Variants in ZNF280C observed in about 807,000 individuals in gnomAD.
ZNF280C encodes the protein suppressor of hairy wing homolog 3.
In ZNF280C, 14 loss-of-function variants were observed where a neutral mutation model predicts 53.6. The observed-to-expected ratio is 0.26, with a 90% CI of 0.17 to 0.41. The LOEUF (loss-of-function observed/expected upper bound fraction) is 0.41, where lower values mean the gene tolerates loss of function less well. Ranked by LOEUF, ZNF280C falls within the 10% of genes least tolerant of loss-of-function variation. The pLI is 1.00. For synonymous variants in ZNF280C, 203 were observed against 181.1 expected, an observed-to-expected ratio of 1.12 and a Z score of -0.97; for missense variants, 416 against 547.1, an observed-to-expected ratio of 0.76 and a Z score of 2.39.
intron 1 of ZNF280C, among the ~76,000 whole-genome samples, chrX:130,266,817 G>T (rs1017859239): frequency 3.6e-5 from 4 of 111,789 alleles, no homozygotes; most frequent in Non-Finnish European, 7.5e-5. Flanking sequence ...AAATTACTGA[G>T]GAAGGCTGGG....
chrX:130,221,686 T>TA (rs759802322), intron 12 of ZNF280C, among the ~76,000 whole-genome samples: 4 of 110,634 alleles, frequency 3.6e-5, no homozygotes, highest in African/African-American at 6.6e-5. Flanking sequence ...AGTGATACCT[T>TA]AAAAAAAAAT....
chrX:130,253,015 C>T (rs932684732), intron 2 of ZNF280C, among the ~76,000 whole-genome samples: 1 of 111,686 alleles, frequency 9.0e-6, no homozygotes, highest in African/African-American at 3.3e-5. Flanking sequence ...ATCTAGAAAA[C>T]CCCATAGTCT....
chrX:130,226,950 T>C (rs1383540408), intron 11 of ZNF280C, 45 bp from the exon 12 acceptor site: 1 of 1,119,972 alleles, frequency 8.9e-7, no homozygotes. Flanking sequence ...ATTTTATAAC[T>C]TCTTGCAATT....
At chrX:130,248,616 T>C (rs192537142) in intron 2 of ZNF280C, among the ~76,000 whole-genome samples, 1 of 111,678 alleles carries the variant, frequency 9.0e-6, no homozygotes, top group Admixed American at 9.4e-5. Context: ...CTTGCCCATC[T>C]GACCTGAGCA....
At chrX:130,232,587 G>A (rs1473204237) in intron 8 of ZNF280C, among the ~76,000 whole-genome samples, 1 of 111,334 alleles carries the variant, frequency 9.0e-6, no homozygotes, top group Non-Finnish European at 1.9e-5. Context: ...ATGTGCAAAG[G>A]TGCTCAACAT....
In ZNF280C at chrX:130,230,533, C is replaced by A. The variant is rs368480585; in HGVS notation, c.966G>T (p.Ser322=). 1.5e-5 allele frequency: 18 copies of A among 1,198,241 alleles called. No individual in the cohort carries two copies. Among genetic ancestry groups the A allele is most frequent in the Non-Finnish European group, 1.9e-5 (17 of 888,762 alleles). ...ACCTAATATTATTTTTAAGAACTTTCGAGCAACTGAAGCATTTAAAGGTTG... is the reference window on the plus strand; with the variant it reads ...ACCTAATATTATTTTTAAGAACTTTAGAGCAACTGAAGCATTTAAAGGTTG... The part of the protein sequence containing the change: ...TYTTFKCFSC[S]KVLKNNIRFM... Residue 322 remains serine (S), a synonymous_variant, in exon 9 of 19, where the codon TCG becomes TCT. Transcript: ENST00000370978.
At chrX:130,218,216 A>G (rs2032125282) in intron 13 of ZNF280C, among the ~76,000 whole-genome samples, 1 of 111,699 alleles carries the variant, frequency 9.0e-6, no homozygotes, top group Admixed American at 9.5e-5. Flanking sequence ...ACAAATAGAG[A>G]GGTCAAAATG....
chrX:130,220,113 C>A (rs2032147744), intron 13 of ZNF280C, among the ~76,000 whole-genome samples: 1 of 110,547 alleles, frequency 9.0e-6, no homozygotes, highest in African/African-American at 3.3e-5. Flanking sequence ...ACATAATGAT[C>A]AAATCAGGGT....
Position 130,203,365 on chromosome X carries a change from T to C in ZNF280C, c.*1612A>G. 9.0e-6 allele frequency: 1 copy of C among 111,067 alleles called. No individual in the cohort carries two copies. Among genetic ancestry groups the C allele is most frequent in the South Asian group, 3.8e-4 (1 of 2,664 alleles). The allele number at this position is 111,067 out of a possible 1,213,427, so 9.2% of individuals were successfully genotyped here. ...TAAAATTAAAAAAAAAGTTTAAAAA[T>C]GTGAGTATCGGTCGGGTGCAGTGGC... is the stretch of plus-strand genomic sequence containing the variant. On this transcript the variant is annotated 3_prime_UTR_variant, in exon 19 of 19. Transcript: ENST00000370978.
rs1381887546 is a variant in ZNF280C at position 130,204,270 on chromosome X, T to C, written c.*707A>G. ...TTAGAATCGACCCATAAGCTTAAGATCAAAAGCCAAAGCTCCCAATGGGAA... is the reference window on the plus strand; with the variant it reads ...TTAGAATCGACCCATAAGCTTAAGACCAAAAGCCAAAGCTCCCAATGGGAA... On this transcript the variant is annotated 3_prime_UTR_variant, in exon 19 of 19. Coordinates refer to ENST00000370978, the MANE Select transcript of ZNF280C (RefSeq NM_017666.5). The C allele has an allele frequency of 2.7e-5, 3 of 112,385 alleles. No homozygotes were observed. Among genetic ancestry groups the C allele is most frequent in the Non-Finnish European group, 5.6e-5 (3 of 53,240 alleles). The allele number at this position is 112,385 out of a possible 1,213,427, so 9.3% of individuals were successfully genotyped here. A position where few individuals can be genotyped will look rare whatever the true frequency, so the allele number is the denominator to read the frequency against.
At chrX:130,229,197 A>G (rs2032253396) in intron 9 of ZNF280C, 63 bp from the exon 10 acceptor site, 3 of 1,036,598 alleles carry the variant, frequency 2.9e-6, no homozygotes, top group South Asian at 2.7e-5. Context: ...AACCTCACAA[A>G]TAAGTCTCTG....
intron 12 of ZNF280C, among the ~76,000 whole-genome samples, chrX:130,223,860 T>A (rs2032194247): frequency 8.9e-6 from 1 of 112,242 alleles, no homozygotes; most frequent in South Asian, 3.7e-4. Context: ...AAAATTGCAC[T>A]AATGCCATCT....
At chrX:130,220,029 C>A (rs1462430266) in intron 13 of ZNF280C, among the ~76,000 whole-genome samples, 1 of 111,097 alleles carries the variant, frequency 9.0e-6, no homozygotes, top group East Asian at 2.8e-4. Context: ...TATTATCATA[C>A]AAAATGTTAA....
chrX:130,236,413 T>C (rs1480554314), intron 7 of ZNF280C, 56 bp downstream of exon 7: 18 of 1,122,550 alleles, frequency 1.6e-5, no homozygotes, highest in Non-Finnish European at 2.1e-5. Flanking sequence ...TCACAATTTC[T>C]AAAACGTATA....
At position 130,205,411 on chromosome X, in the gene ZNF280C, T is replaced by C. The variant is rs745990799; in HGVS notation, c.2047A>G (p.Ile683Val). ...FKKHSGTLRG[I>V]TLVCLKCDFL... The stretch of plus-strand genomic sequence containing the variant: ...TCACATTTAAGGCACACTAGAGTAA[T>C]GCCCCTATGAAAAAAAAGAAGACAG... Residue 683 changes from isoleucine (I) to valine (V), a missense_variant, in exon 17 of 19, where the codon ATT becomes GTT. Physicochemically the swap from Ile to Val is conservative, Grantham distance 29. Coordinates refer to ENST00000370978, the MANE Select transcript of ZNF280C (RefSeq NM_017666.5). 1.3e-5 allele frequency: 15 copies of C among 1,149,945 alleles called. No homozygotes were observed. Among genetic ancestry groups the C allele is most frequent in the Non-Finnish European group, 1.8e-5 (15 of 852,193 alleles). The allele number at this position is 1,149,945 out of a possible 1,213,427, so 94.8% of individuals were successfully genotyped here. A position where few individuals can be genotyped will look rare whatever the true frequency, so the allele number is the denominator to read the frequency against.
rs2031941531 is a variant in ZNF280C, at chrX:130,203,836, AT to A, written c.*1140del. ...TTCCCAATACAACCAGAATTTTGAT[AT>A]TCCTTGGACTGCATGCCTGCTAGAG... On this transcript the variant is annotated 3_prime_UTR_variant, in exon 19 of 19. Transcript: ENST00000370978. 9.0e-6 allele frequency: 1 copy of A among 111,571 alleles called. No homozygotes were observed. The highest frequency in any genetic ancestry group is 1.9e-5 in the Non-Finnish European group (1 of 53,166). 9.2% of individuals were successfully genotyped at this position (111,571 alleles called of 1,213,427 possible). A position where few individuals can be genotyped will look rare whatever the true frequency, so the allele number is the denominator to read the frequency against.
intron 15 of ZNF280C, among the ~76,000 whole-genome samples, chrX:130,213,157 T>C (rs1569431743): frequency 9.1e-6 from 1 of 110,368 alleles, no homozygotes; most frequent in African/African-American, 3.3e-5. Context: ...ATCGAGACCA[T>C]CCTGGCTAAC....
chrX:130,267,631 C>T (rs915586208), intron 1 of ZNF280C, among the ~76,000 whole-genome samples: 1 of 111,876 alleles, frequency 8.9e-6, no homozygotes, highest in Non-Finnish European at 1.9e-5. Flanking sequence ...GCTGTAGAAA[C>T]ATCAAAGGTA....
At chrX:130,205,529 C>T (rs937380848) in intron 16 of ZNF280C, 114 bp from the exon 17 acceptor site, 10 of 468,673 alleles carry the variant, frequency 2.1e-5, no homozygotes, top group South Asian at 9.6e-5. Flanking sequence ...TCTCCACAAC[C>T]GTCATTTTCC....
Sources: allele counts gnomAD v4.1 joint callset (sites outside exome capture counted in the v4.1 genomes callset), GRCh38; gene constraint gnomAD v4.1.1; transcripts MANE v1.5; gene names NCBI Gene and HGNC (gene_info 2026-07-23, HGNC 2026-07-21).